MYO7A: variants seen among roughly 807,000 people sequenced by gnomAD.
MYO7A encodes unconventional myosin-VIIa.
In MYO7A, 210 loss-of-function variants were observed where a neutral mutation model predicts 263.8. The ratio of observed to expected loss-of-function variants is 0.80; its 90% CI spans 0.71 to 0.89. The LOEUF is 0.89. Among genes scored for constraint, MYO7A ranks in the 40% least tolerant of loss-of-function variants. The pLI is 0.00. For missense variants in MYO7A, 2,820 were observed against 2,968.3 expected, an observed-to-expected ratio of 0.95 and a Z score of 1.16; for synonymous variants, 1,239 against 1,197.3, an observed-to-expected ratio of 1.03 and a Z score of -0.72.
intron 2 of MYO7A, among the ~76,000 whole-genome samples, chr11:77,137,143 G>A (rs1278666006): frequency 6.6e-6 from 1 of 152,150 alleles, no homozygotes; most frequent in African/African-American, 2.4e-5. Context: ...CGGCTTGACT[G>A]GGGGAAGGAC....
intron 20 of MYO7A, among the ~76,000 whole-genome samples, 187 bp downstream of exon 20, chr11:77,179,316 A>G (rs781814566): frequency 7.2e-5 from 11 of 152,192 alleles, no homozygotes; most frequent in Non-Finnish European, 1.3e-4. Flanking sequence ...GCTTCTTCCA[A>G]CTGGCCAGCA....
chr11:77,206,334 G>A (rs1199447981), intron 41 of MYO7A, 132 bp downstream of exon 41: 8 of 686,928 alleles, frequency 1.2e-5, no homozygotes, highest in Non-Finnish European at 1.9e-5. Flanking sequence ...CCCCGTAGTG[G>A]AGTCGGGGCT....
At position 77,167,465 on chromosome 11, in the gene MYO7A, T is replaced by A. The variant is rs114520324; in HGVS notation, c.1797+1303T>A. On this transcript the variant is annotated intron_variant, in intron 15 of 48. Transcript: ENST00000409709. ...GGCTGAGAGAGGGGATATGACTCATTCCAGGTAACAGCATTCTGACAGGGA... is the reference window on the plus strand; with the variant it reads ...GGCTGAGAGAGGGGATATGACTCATACCAGGTAACAGCATTCTGACAGGGA... 9.4e-3 allele frequency among the ~76,000 whole-genome samples: 1,432 copies of A among 152,136 alleles called. 29 individuals are homozygous for A. Among genetic ancestry groups the A allele is most frequent in the African/African-American group, 0.033 (1,350 of 41,516 alleles).
intron 38 of MYO7A, among the ~76,000 whole-genome samples, chr11:77,203,672 A>G (rs1957236116): frequency 6.6e-6 from 1 of 152,050 alleles, no homozygotes; most frequent in African/African-American, 2.4e-5. Context: ...AGAGAGAGGG[A>G]GCAGCAGCAA....
At chr11:77,189,875 A>T in intron 28 of MYO7A, 145 bp from the exon 29 acceptor site, 1 of 1,330,910 alleles carries the variant, frequency 7.5e-7, no homozygotes, top group South Asian at 1.6e-5. Flanking sequence ...CTGGAAATAG[A>T]TGGTGGAGCT....
At chr11:77,203,959 G>A in intron 38 of MYO7A, 117 bp from the exon 39 acceptor site, 2 of 1,186,184 alleles carry the variant, frequency 1.7e-6, no homozygotes, top group South Asian at 1.6e-5. Context: ...TGAGTGTGCA[G>A]CCTGAGGGCC....
intron 32 of MYO7A, among the ~76,000 whole-genome samples, chr11:77,196,292 G>A (rs1281600249): frequency 6.6e-6 from 1 of 152,010 alleles, no homozygotes; most frequent in Admixed American, 6.6e-5. Flanking sequence ...CTTGAACTCG[G>A]GAGGCGGAGG....
intron 28 of MYO7A, 129 bp from the exon 29 acceptor site, chr11:77,189,891 G>A: frequency 7.2e-7 from 1 of 1,384,398 alleles, no homozygotes; most frequent in South Asian, 1.5e-5. Flanking sequence ...GAGCTGAGAG[G>A]GTAGGGAAGC....
At chr11:77,143,689 T>C (rs565012923) in intron 3 of MYO7A, among the ~76,000 whole-genome samples, 1 of 152,314 alleles carries the variant, frequency 6.6e-6, no homozygotes, top group South Asian at 2.1e-4. Flanking sequence ...TCCAGGGAGA[T>C]TCAGCTCTGC....
At chr11:77,143,491 G>A (rs1260808673) in intron 3 of MYO7A, among the ~76,000 whole-genome samples, 1 of 152,254 alleles carries the variant, frequency 6.6e-6, no homozygotes, top group African/African-American at 2.4e-5. Flanking sequence ...GGTAATGATA[G>A]TGGGGCCTTG....
At chr11:77,151,785 G>T (rs1402004037) in intron 4 of MYO7A, among the ~76,000 whole-genome samples, 3 of 152,264 alleles carry the variant, frequency 2.0e-5, no homozygotes, top group African/African-American at 7.2e-5. Flanking sequence ...CAGAAGCCCA[G>T]AGAGGGCCAG....
chr11:77,146,471 G>T (rs143963977), intron 3 of MYO7A, among the ~76,000 whole-genome samples: 1 of 152,276 alleles, frequency 6.6e-6, no homozygotes, highest in Non-Finnish European at 1.5e-5. Context: ...CTCAATCAGG[G>T]TATGGGCTTG....
chr11:77,153,400 C>T (rs1952153879), intron 4 of MYO7A, among the ~76,000 whole-genome samples: 1 of 152,096 alleles, frequency 6.6e-6, no homozygotes, highest in African/African-American at 2.4e-5. Flanking sequence ...TGAGTAGGGA[C>T]ATCAGGAGGC....
Position 77,166,130 on chromosome 11 carries a change from A to C in MYO7A, c.1765A>C (p.Ile589Leu), listed in dbSNP as rs782182006. The change falls in exon 15 of 49, where the codon ATC becomes CTC. Residue 589 changes from isoleucine to leucine, a missense_variant. Coordinates refer to ENST00000409709, the MANE Select transcript of MYO7A (RefSeq NM_000260.4). Reference protein sequence around the residue: ...QLVHSSRNKFIKQIFQADVAM... With the variant: ...QLVHSSRNKFLKQIFQADVAM... ...GGTCCACTCCTCCAGGAACAAGTTC[A>C]TCAAGCAGATCTTCCAGGCCGATGT... 2 of 1,613,910 alleles carry C rather than the reference A, an allele frequency of 1.2e-6. No homozygotes were observed. Among genetic ancestry groups the C allele is most frequent in the Admixed American group, 3.3e-5 (2 of 60,020 alleles).
At chr11:77,212,428 C>T (rs1957950856) in intron 46 of MYO7A, 1 of 350,568 alleles carries the variant, frequency 2.9e-6, no homozygotes. Flanking sequence ...AGAGCAGCAG[C>T]TTGGCAAGCA....
chr11:77,201,929 G>A (rs921681650), intron 36 of MYO7A, among the ~76,000 whole-genome samples: 6 of 152,112 alleles, frequency 3.9e-5, no homozygotes, highest in African/African-American at 1.4e-4. Flanking sequence ...CAGCTGGGAA[G>A]GGGGCCCTGC....
At chr11:77,147,775 G>A (rs534263250) in intron 3 of MYO7A, 23 bp from the exon 4 acceptor site, 3 of 1,604,492 alleles carry the variant, frequency 1.9e-6, no homozygotes, top group Non-Finnish European at 2.5e-6. Flanking sequence ...AGGAGAGCAC[G>A]CTGACGTTCT....
intron 11 of MYO7A, 87 bp downstream of exon 11, chr11:77,160,369 G>A: frequency 2.0e-6 from 3 of 1,489,070 alleles, no homozygotes; most frequent in Non-Finnish European, 2.7e-6. Flanking sequence ...GTCCTGGGAG[G>A]TGGGTAGACA....
intron 16 of MYO7A, among the ~76,000 whole-genome samples, chr11:77,174,351 G>A (rs1954419768): frequency 2.0e-5 from 3 of 152,162 alleles, no homozygotes; most frequent in Non-Finnish European, 2.9e-5. Context: ...AACTTGGCCT[G>A]GACGAGCCTC....
Sources: gnomAD v4.1 joint callset for allele counts (sites outside exome capture counted in the v4.1 genomes callset) on GRCh38, gnomAD v4.1.1 for gene constraint, MANE v1.5 for transcripts, NCBI Gene and HGNC (gene_info 2026-07-23, HGNC 2026-07-21) for gene names.